Variants in LDB3 observed in about 807,000 individuals in gnomAD.
LDB3 encodes the protein LIM domain binding 3, also known as LIM domain-binding protein 3.
LDB3 carries 49 observed loss-of-function variants against 69.0 expected under a neutral mutation model. That is an observed-to-expected ratio of 0.71 (90% CI 0.56 to 0.90). The LOEUF is 0.90. Among genes scored for constraint, LDB3 ranks in the 40% least tolerant of loss-of-function variants. LDB3 has a pLI of 0.00. For missense variants in LDB3, 928 were observed against 974.1 expected (o/e 0.95, Z 0.63); for synonymous variants, 387 against 396.2 (o/e 0.98, Z 0.28).
intron 13 of LDB3, among the ~76,000 whole-genome samples, chr10:86,728,594 T>TTTTGTTTTTTTTTTG (rs1450786818): frequency 6.7e-6 from 1 of 149,798 alleles, no homozygotes; most frequent in Non-Finnish European, 1.5e-5. Flanking sequence ...TTGTTTTTTT[T>TTTTGTTTTTTTTTTG]TTTTTTTGAG....
intron 12 of LDB3, among the ~76,000 whole-genome samples, chr10:86,722,496 G>A (rs546915835): frequency 1.1e-3 from 163 of 150,564 alleles, no homozygotes; most frequent in African/African-American, 3.3e-3. Context: ...TCCTGATCTC[G>A]TGATCCGCCC....
chr10:86,681,002 C>T (rs1009824785), intron 4 of LDB3, among the ~76,000 whole-genome samples: 2 of 152,250 alleles, frequency 1.3e-5, no homozygotes. Flanking sequence ...CCCTCCTCAC[C>T]TCCCCACCAC....
rs1846160750 is a variant in LDB3, at chr10:86,699,436, A to C, written c.896+6865A>C. The C allele has an allele frequency of 6.2e-7, 1 of 1,610,828 alleles. No individual in the cohort carries two copies. The highest frequency in any genetic ancestry group is 1.3e-5 in the African/African-American group (1 of 74,816). ...ACTCCCTCCATCCTTACCCCCACAC[A>C]GATCTGGCATGTGAGCCCCACGGTG... On this transcript the variant is annotated intron_variant, in intron 7 of 13. Coordinates refer to ENST00000361373, the MANE Select transcript of LDB3 (RefSeq NM_007078.3). This position sits in a 1 kb window ranked among gnomAD's most constrained non-coding sequence, Gnocchi z 4.9.
At chr10:86,671,089 A>G (rs996266563) in intron 2 of LDB3, among the ~76,000 whole-genome samples, 1 of 152,102 alleles carries the variant, frequency 6.6e-6, no homozygotes, top group African/African-American at 2.4e-5. Flanking sequence ...AGCCTGTGCC[A>G]TAGGGCACCA....
At chr10:86,676,562 C>T (rs1844800346) in intron 2 of LDB3, among the ~76,000 whole-genome samples, 1 of 52,124 alleles carries the variant, frequency 1.9e-5, no homozygotes, top group Non-Finnish European at 4.0e-5. Flanking sequence ...AAGACCCTGT[C>T]TCAAAAAAAA....
chr10:86,722,863 G>T (rs545879790), intron 12 of LDB3, among the ~76,000 whole-genome samples: 43 of 152,124 alleles, frequency 2.8e-4, no homozygotes, highest in Admixed American at 2.8e-3. Context: ...CACCGCACCT[G>T]GCCAATTCAA....
At chr10:86,680,244 C>A in intron 4 of LDB3, 87 bp downstream of exon 4, 1 of 1,255,362 alleles carries the variant, frequency 8.0e-7, no homozygotes, top group Non-Finnish European at 1.1e-6. Flanking sequence ...TTTGGCTGGC[C>A]CAACTGGGAT....
chr10:86,716,560 C>T lies in LDB3; in HGVS notation c.1465C>T (p.Pro489Ser), dbSNP rs776908015. Residue 489 changes from proline (P) to serine (S), a missense_variant, in exon 10 of 14, where the codon CCC becomes TCC. Transcript: ENST00000361373. ...GGPAEPASRP[P>S]WVTDDSFSQK... ...CCCTGCGGAGCCTGCCAGCCGTCCA[C>T]CCTGGGTGACAGATGATAGCTTCTC... The T allele has an allele frequency of 6.2e-7, 1 of 1,613,768 alleles. No homozygotes were observed. Among genetic ancestry groups the T allele is most frequent in the South Asian group, 1.1e-5 (1 of 91,046 alleles).
Position 86,718,033 on chromosome 10 carries a change from T to A in LDB3, c.1746T>A (p.Thr582=), listed in dbSNP as rs1187855977. ...AGTTCACCTGTGCCTACTGCAAGAC[T>A]TCCCTGGCAGATGTGTGCTTTGTGG... is the stretch of plus-strand genomic sequence containing the variant. ...PEEFTCAYCK[T]SLADVCFVEE... The change falls in exon 11 of 14, where the codon ACT becomes ACA. Residue 582 remains threonine, a synonymous_variant. Transcript: ENST00000361373. The A allele has an allele frequency of 6.2e-7, 1 of 1,614,214 alleles. No individual in the cohort carries two copies. The highest frequency in any genetic ancestry group is 8.5e-7 in the Non-Finnish European group (1 of 1,180,034).
chr10:86,718,720 C>A lies in LDB3; in HGVS notation c.1858-7C>A. Reference sequence around the variant, plus strand: ...TTTCTGTCCTGAGCTTAGGCTCTTTCCCCCAGGAAGTAATGCATGCCTTGA... The same window carrying A: ...TTTCTGTCCTGAGCTTAGGCTCTTTACCCCAGGAAGTAATGCATGCCTTGA... On this transcript the variant is annotated splice_region_variant and splice_polypyrimidine_tract_variant and intron_variant, in intron 11 of 13. Coordinates refer to ENST00000361373, the MANE Select transcript of LDB3 (RefSeq NM_007078.3). The A allele has an allele frequency of 6.2e-7, 1 of 1,614,140 alleles. No homozygotes were observed. The highest frequency in any genetic ancestry group is 2.2e-5 in the East Asian group (1 of 44,876).
rs1847531739 is a variant in LDB3, at chr10:86,733,027, G to A, written c.*51G>A. The A allele has an allele frequency of 1.5e-6, 2 of 1,307,516 alleles. No individual in the cohort carries two copies. The highest frequency in any genetic ancestry group is 4.8e-5 in the East Asian group (2 of 41,958). The allele number at this position is 1,307,516 out of a possible 1,614,324, so 81.0% of individuals were successfully genotyped here. ...AGGCCCGGAGCTGCTCCTGCTGCTGGCAACAAAGGATTCGGGAGGCTGATG... is the reference window on the plus strand; with the variant it reads ...AGGCCCGGAGCTGCTCCTGCTGCTGACAACAAAGGATTCGGGAGGCTGATG... On this transcript the variant is annotated 3_prime_UTR_variant, in exon 14 of 14. Coordinates refer to ENST00000361373, the MANE Select transcript of LDB3 (RefSeq NM_007078.3).
intron 13 of LDB3, among the ~76,000 whole-genome samples, chr10:86,728,581 C>CTTTTTTTTTTTT (rs1554868869): frequency 3.1e-5 from 3 of 97,564 alleles, no homozygotes; most frequent in African/African-American, 7.2e-5. Context: ...GAACATGGTT[C>CTTTTTTTTTTTT]TTTTGTTTTT....
intron 5 of LDB3, among the ~76,000 whole-genome samples, chr10:86,688,050 C>CGTGTGTGT (rs71487273): frequency 0.23 from 23,776 of 102,812 alleles, 3,304 homozygotes; most frequent in Middle Eastern, 0.31. Flanking sequence ...CCCCGACCCT[C>CGTGTGTGT]GTGTGTGTGT....
chr10:86,718,993 T>C lies in LDB3; in HGVS notation c.1978+146T>C, dbSNP rs572217779. ...AAGAAACCTTTGTTTTTGCTTTTAATGGCAGAATCATGCTAATATCACACA... is the reference window on the plus strand; with the variant it reads ...AAGAAACCTTTGTTTTTGCTTTTAACGGCAGAATCATGCTAATATCACACA... On this transcript the variant is annotated intron_variant, in intron 12 of 13. Transcript: ENST00000361373. The C allele has an allele frequency of 2.9e-4, 301 of 1,028,350 alleles. 1 individual carries two copies. The South Asian group carries it at 4.1e-3, about 14-fold the overall frequency. The allele number at this position is 1,028,350 out of a possible 1,614,324, so 63.7% of individuals were successfully genotyped here. A position where few individuals can be genotyped will look rare whatever the true frequency, so the allele number is the denominator to read the frequency against.
At chr10:86,667,213 C>T (rs926794408), upstream of LDB3, among the ~76,000 whole-genome samples, 15 of 152,126 alleles carry the variant, frequency 9.9e-5, no homozygotes, top group African/African-American at 2.2e-4. Context: ...CTACCTTGTA[C>T]CTTGCATGTG....
intron 2 of LDB3, among the ~76,000 whole-genome samples, chr10:86,676,812 G>A (rs572613386): frequency 6.6e-6 from 1 of 152,348 alleles, no homozygotes; most frequent in East Asian, 1.9e-4. Flanking sequence ...GGGCATCCTG[G>A]TTTGGAAGGG....
rs71019410 is a variant in LDB3, at chr10:86,699,239, TTCTCTCTCTCTCTC to T, written c.896+6684_896+6697del. The T allele has an allele frequency of 1.0e-5, 16 of 1,563,116 alleles. No individual in the cohort carries two copies. In the South Asian group the frequency reaches 1.1e-4, roughly 11 times the overall value. On this transcript the variant is annotated intron_variant, in intron 7 of 13. Transcript: ENST00000361373. This position sits in a 1 kb window ranked among gnomAD's most constrained non-coding sequence, Gnocchi z 4.9. Reference sequence around the variant, plus strand: ...TCTCTCTTTCTGTCTCTGTCTCTGTTTCTCTCTCTCTCTCTCTCTCTCTCTCTCTGTGCCACAGG... The same window carrying T: ...TCTCTCTTTCTGTCTCTGTCTCTGTTTCTCTCTCTCTCTCTGTGCCACAGG...
In LDB3 at chr10:86,718,124, T is replaced by G; in HGVS notation, c.1837T>G (p.Cys613Gly). The G allele has an allele frequency of 3.1e-6, 5 of 1,614,204 alleles. No homozygotes were observed. Among genetic ancestry groups the G allele is most frequent in the Non-Finnish European group, 4.2e-6 (5 of 1,180,048 alleles). ...ATTCTTTGCCCCGCTGTGTGCCAAGTGCAACACCAAAATTATGGGGGTAAG... is the reference window on the plus strand; with the variant it reads ...ATTCTTTGCCCCGCTGTGTGCCAAGGGCAACACCAAAATTATGGGGGTAAG... ...EQFFAPLCAK[C>G]NTKIMGEVMH... Residue 613 changes from cysteine to glycine, a missense_variant, in exon 11 of 14, where the codon TGC (cysteine) becomes GGC (glycine). By Grantham distance (159) the Cys-to-Gly change is radical (BLOSUM62 -3). Coordinates refer to ENST00000361373, the MANE Select transcript of LDB3 (RefSeq NM_007078.3).
intron 7 of LDB3, among the ~76,000 whole-genome samples, chr10:86,702,390 C>T (rs765363856): frequency 5.9e-5 from 9 of 152,142 alleles, no homozygotes; most frequent in Non-Finnish European, 8.8e-5. Context: ...AACCAAACCC[C>T]ACCATTCCCA....
Sources: allele counts gnomAD v4.1 joint callset (sites outside exome capture counted in the v4.1 genomes callset), GRCh38; gene constraint gnomAD v4.1.1; non-coding constraint Gnocchi (gnomAD v3.1); transcripts MANE v1.5; gene names NCBI Gene and HGNC (gene_info 2026-07-23, HGNC 2026-07-21).